SPATA7: variants seen among roughly 807,000 people sequenced by gnomAD.
SPATA7 encodes spermatogenesis associated 7.
SPATA7 carries 43 observed loss-of-function variants against 51.8 expected under a neutral mutation model. That is an observed-to-expected ratio of 0.83 (90% confidence interval 0.65 to 1.07). The LOEUF (loss-of-function observed/expected upper bound fraction) is 1.07. Among genes scored for constraint, SPATA7 ranks in the 50% least tolerant of loss-of-function variants. The pLI is 0.00. For synonymous variants in SPATA7, 230 were observed against 252.8 expected (o/e 0.91, Z 0.86); for missense variants, 683 against 701.3 (o/e 0.97, Z 0.30).
At chr14:88,392,018 T>G (rs1169373059) in intron 2 of SPATA7, among the ~76,000 whole-genome samples, 3 of 152,196 alleles carry the variant, frequency 2.0e-5, no homozygotes, top group Non-Finnish European at 4.4e-5. Context: ...AGCCTTATTT[T>G]CCTTATTTAC....
At chr14:88,418,070 A>G (rs987439098) in intron 5 of SPATA7, among the ~76,000 whole-genome samples, 1 of 152,180 alleles carries the variant, frequency 6.6e-6, no homozygotes, top group African/African-American at 2.4e-5. Context: ...TGTTCATACT[A>G]TTCTCTTAAT....
chr14:88,451,540 T>TTC (rs1555379477), intron 3 of SPATA7, among the ~76,000 whole-genome samples: 18 of 150,962 alleles, frequency 1.2e-4, no homozygotes, highest in Non-Finnish European at 2.2e-4. Flanking sequence ...TTTTTTTTTT[T>TTC]CTTTGAAAAG....
At position 88,422,595 on chromosome 14, in the gene SPATA7, A is replaced by G. The variant is rs2076677212; in HGVS notation, c.373-3637A>G. On this transcript the variant is annotated intron_variant, in intron 5 of 11. Transcript: ENST00000393545. ...TTTTATATATCTATTTATATATAAT[A>G]AAGTAAAAATATATATTATTTACAT... Among the ~76,000 whole-genome samples the G allele has an allele frequency of 2.0e-5, 3 of 148,258 alleles. No individual in the cohort carries two copies. The Admixed American group carries it at 2.0e-4, about 10-fold the overall frequency.
At chr14:88,405,894 A>C (rs1407875736) in intron 4 of SPATA7, among the ~76,000 whole-genome samples, 2 of 152,202 alleles carry the variant, frequency 1.3e-5, no homozygotes, top group African/African-American at 4.8e-5. Context: ...TGTTTTTAAA[A>C]TGTAGATTTA....
chr14:88,397,625 A>G (rs2075924092), intron 4 of SPATA7, among the ~76,000 whole-genome samples: 1 of 150,786 alleles, frequency 6.6e-6, no homozygotes, highest in Admixed American at 6.6e-5. Flanking sequence ...CCTAGGTGAC[A>G]GGGAGATGCT....
intron 5 of SPATA7, among the ~76,000 whole-genome samples, chr14:88,420,897 C>G (rs561453082): frequency 6.6e-6 from 1 of 152,182 alleles, no homozygotes; most frequent in East Asian, 1.9e-4. Flanking sequence ...GGGTGGATCA[C>G]CAGGTCAGGA....
chr14:88,427,051 A>T (rs1464212173), intron 6 of SPATA7, among the ~76,000 whole-genome samples: 1 of 152,230 alleles, frequency 6.6e-6, no homozygotes, highest in Non-Finnish European at 1.5e-5. Flanking sequence ...GATTCATGTT[A>T]AAAGTGGCGA....
intron 4 of SPATA7, among the ~76,000 whole-genome samples, chr14:88,407,386 C>T (rs1409181706): frequency 6.6e-6 from 1 of 152,064 alleles, no homozygotes; most frequent in Non-Finnish European, 1.5e-5. Context: ...AGCTTTTTTT[C>T]ATGTTTGTTG....
intron 4 of SPATA7, among the ~76,000 whole-genome samples, chr14:88,462,141 C>T (rs2077321618): frequency 6.6e-6 from 1 of 152,186 alleles, no homozygotes; most frequent in Non-Finnish European, 1.5e-5. Context: ...ATATTTGTCT[C>T]ATTCAATGGT....
intron 4 of SPATA7, among the ~76,000 whole-genome samples, chr14:88,405,666 T>C (rs913519968): frequency 6.6e-6 from 1 of 152,178 alleles, no homozygotes; most frequent in African/African-American, 2.4e-5. Flanking sequence ...TTTACTGAAG[T>C]GAGCAATACC....
intron 4 of SPATA7, chr14:88,467,612 GT>G (rs1048381177): frequency 2.0e-5 from 3 of 152,090 alleles, no homozygotes; most frequent in Admixed American, 6.6e-5. Flanking sequence ...AGTACCCAAG[GT>G]TTTTAAAAAA....
intron 4 of SPATA7, among the ~76,000 whole-genome samples, chr14:88,401,509 A>G (rs1455710986): frequency 2.0e-5 from 3 of 152,174 alleles, no homozygotes; most frequent in African/African-American, 7.2e-5. Flanking sequence ...GCAATTAGAC[A>G]AGAAAAAGAA....
chr14:88,415,749 C>T (rs1210144013), intron 4 of SPATA7, among the ~76,000 whole-genome samples: 1 of 152,054 alleles, frequency 6.6e-6, no homozygotes, highest in Non-Finnish European at 1.5e-5. Flanking sequence ...CTTATGTATG[C>T]ATGTTTAGAA....
intron 3 of SPATA7, among the ~76,000 whole-genome samples, chr14:88,451,273 G>C (rs367746730): frequency 6.6e-6 from 1 of 151,884 alleles, no homozygotes; most frequent in African/African-American, 2.4e-5. Context: ...GGGTTCAAGC[G>C]AATCTCCTAT....
chr14:88,425,094 A>G (rs17124658), intron 5 of SPATA7, among the ~76,000 whole-genome samples: 8 of 152,176 alleles, frequency 5.3e-5, no homozygotes, highest in African/African-American at 1.9e-4. Context: ...TCTGTGAGAC[A>G]CTGCACCTCA....
At chr14:88,407,573 T>C (rs544491150) in intron 4 of SPATA7, among the ~76,000 whole-genome samples, 6 of 152,356 alleles carry the variant, frequency 3.9e-5, no homozygotes, top group African/African-American at 1.4e-4. Flanking sequence ...TCCACTCTGA[T>C]GACGGTTTCT....
Position 88,391,335 on chromosome 14 carries a change from T to C in SPATA7, c.20-46T>C, listed in dbSNP as rs1313919958. On this transcript the variant is annotated intron_variant, in intron 1 of 11. Transcript: ENST00000393545. ...TGAATATTGTTGTTTTTGTAAAAGT[T>C]GTGTTTCATTTATCCTAATTTATGA... The C allele has an allele frequency of 3.5e-6, 5 of 1,412,770 alleles. No individual in the cohort carries two copies. In the African/African-American group the frequency reaches 7.1e-5, roughly 20 times the overall value. The allele number at this position is 1,412,770 out of a possible 1,614,324, so 87.5% of individuals were successfully genotyped here. A position where few individuals can be genotyped will look rare whatever the true frequency, so the allele number is the denominator to read the frequency against.
In SPATA7 at chr14:88,385,929, G is replaced by A. The variant is rs775475000; in HGVS notation, c.19+92G>A. On this transcript the variant is annotated intron_variant, in intron 1 of 11. Transcript: ENST00000393545. ...GGTCCGGGCAGCTGAGTGCAAGGCCGCCCCTTGGGGCGCTTCCTACCCCTG... is the reference window on the plus strand; with the variant it reads ...GGTCCGGGCAGCTGAGTGCAAGGCCACCCCTTGGGGCGCTTCCTACCCCTG... 8 of 1,395,762 alleles carry A rather than the reference G, an allele frequency of 5.7e-6. No homozygotes were observed. The Admixed American group carries it at 2.0e-4, about 34-fold the overall frequency. 86.5% of individuals were successfully genotyped at this position (1,395,762 alleles called of 1,614,324 possible).
At chr14:88,448,702 C>A (rs189333563) in intron 3 of SPATA7, among the ~76,000 whole-genome samples, 1 of 152,144 alleles carries the variant, frequency 6.6e-6, no homozygotes, top group South Asian at 2.1e-4. Context: ...TTCCTTCTAA[C>A]AGTCAGGACC....
Sources: gnomAD v4.1 joint callset for allele counts (sites outside exome capture counted in the v4.1 genomes callset) on GRCh38, gnomAD v4.1.1 for gene constraint, MANE v1.5 for transcripts, NCBI Gene and HGNC (gene_info 2026-07-23, HGNC 2026-07-21) for gene names.